The following GPRIN3 variants were observed in gnomAD, a reference collection of about 807,000 sequenced individuals.
The protein encoded by GPRIN3 is G protein-regulated inducer of neurite outgrowth 3.
GPRIN3 carries 12 observed loss-of-function variants against 13.7 expected under a neutral mutation model. The ratio of observed to expected loss-of-function variants is 0.87; its 90% CI spans 0.56 to 1.42. GPRIN3 has a LOEUF of 1.42. Ranked by LOEUF, GPRIN3 falls within the 40% of genes most tolerant of loss-of-function variation. The pLI, the probability that GPRIN3 is intolerant of heterozygous loss-of-function variation, is 0.00. For synonymous variants in GPRIN3, 377 were observed against 372.7 expected, an observed-to-expected ratio of 1.01 and a Z score of -0.13; for missense variants, 1,009 against 958.7, an observed-to-expected ratio of 1.05 and a Z score of -0.69.
rs1298425471 is a variant in GPRIN3 at position 89,237,427 on chromosome 4, A to T, written c.*10353T>A. ...TCTGAACTCCTAAGGCGATGGTGTTAGAAAGTGGGGGCTTTGGGTGGTGAT... is the reference window on the plus strand; with the variant it reads ...TCTGAACTCCTAAGGCGATGGTGTTTGAAAGTGGGGGCTTTGGGTGGTGAT... On this transcript the variant is annotated 3_prime_UTR_variant, in exon 2 of 2. Transcript: ENST00000609438. 1 of 152,210 alleles carries T rather than the reference A, an allele frequency of 6.6e-6. No homozygotes were observed. Among genetic ancestry groups the T allele is most frequent in the Non-Finnish European group, 1.5e-5 (1 of 68,054 alleles). 9.4% of individuals were successfully genotyped at this position (152,210 alleles called of 1,614,324 possible).
intron 1 of GPRIN3, among the ~76,000 whole-genome samples, chr4:89,256,235 T>C (rs968977324): frequency 1.1e-4 from 17 of 152,228 alleles, no homozygotes; most frequent in South Asian, 4.1e-4. Flanking sequence ...TATATATCTA[T>C]ATATATCTCC....
chr4:89,269,173 T>C (rs1723859691), intron 1 of GPRIN3, among the ~76,000 whole-genome samples: 1 of 152,220 alleles, frequency 6.6e-6, no homozygotes, highest in Non-Finnish European at 1.5e-5. Context: ...TTTAATACTC[T>C]GGTACAAATA....
At chr4:89,254,442 T>C (rs576088290) in intron 1 of GPRIN3, among the ~76,000 whole-genome samples, 6 of 152,228 alleles carry the variant, frequency 3.9e-5, no homozygotes, top group African/African-American at 1.2e-4. Context: ...TGTCCATGGG[T>C]TCTCATCATT....
chr4:89,300,671 T>C (rs947033022), intron 1 of GPRIN3, among the ~76,000 whole-genome samples: 3 of 152,126 alleles, frequency 2.0e-5, no homozygotes, highest in South Asian at 2.1e-4. Context: ...CAATCCCTCA[T>C]ATGAAAGGAG....
intron 1 of GPRIN3, among the ~76,000 whole-genome samples, chr4:89,292,236 C>A (rs1724592627): frequency 6.6e-6 from 1 of 152,140 alleles, no homozygotes; most frequent in Non-Finnish European, 1.5e-5. Context: ...TTTAATAAAA[C>A]TATATACTTT....
chr4:89,279,565 T>C (rs1036268280), intron 1 of GPRIN3, among the ~76,000 whole-genome samples: 1 of 152,246 alleles, frequency 6.6e-6, no homozygotes, highest in Non-Finnish European at 1.5e-5. Context: ...TATCATGTTG[T>C]TTCTTTGTCA....
rs566029934 is a variant in GPRIN3, at chr4:89,249,882, C to T, written c.229G>A (p.Asp77Asn). 3 of 1,614,234 alleles carry T rather than the reference C, an allele frequency of 1.9e-6. No homozygotes were observed. Among genetic ancestry groups the T allele is most frequent in the Admixed American group, 3.3e-5 (2 of 60,028 alleles). Residue 77 changes from aspartate to asparagine, a missense_variant, in exon 2 of 2, where the codon GAT (aspartate) becomes AAT (asparagine). By Grantham distance (23) the Asp-to-Asn change is conservative. Transcript: ENST00000609438. ...TTGAACACACCAGGAGAAGACATATCTGGTTGGGTGGTCTCATGCTCACAA... is the reference window on the plus strand; with the variant it reads ...TTGAACACACCAGGAGAAGACATATTTGGTTGGGTGGTCTCATGCTCACAA... ...QVCEHETTQP[D>N]MSSPGVFNEV...
intron 1 of GPRIN3, among the ~76,000 whole-genome samples, chr4:89,293,293 T>C (rs1724637850): frequency 6.6e-6 from 1 of 152,244 alleles, no homozygotes; most frequent in South Asian, 2.1e-4. Flanking sequence ...ACCACTGTCT[T>C]AGATCTGATG....
intron 1 of GPRIN3, among the ~76,000 whole-genome samples, chr4:89,284,813 A>G (rs910113781): frequency 6.6e-6 from 1 of 152,204 alleles, no homozygotes; most frequent in African/African-American, 2.4e-5. Context: ...GCCTAGGCCT[A>G]GCTAACTTTG....
intron 1 of GPRIN3, among the ~76,000 whole-genome samples, chr4:89,300,910 C>T (rs1455042857): frequency 1.3e-5 from 2 of 152,094 alleles, no homozygotes; most frequent in Non-Finnish European, 2.9e-5. Flanking sequence ...ATTTAAAATT[C>T]TTAATTTTAA....
intron 1 of GPRIN3, among the ~76,000 whole-genome samples, chr4:89,277,763 G>A (rs1438285750): frequency 1.3e-5 from 2 of 152,198 alleles, no homozygotes; most frequent in East Asian, 3.9e-4. Flanking sequence ...TGACCTTGAT[G>A]TGGAGGGATC....
intron 1 of GPRIN3, among the ~76,000 whole-genome samples, chr4:89,284,622 C>T (rs564674451): frequency 6.6e-6 from 1 of 152,168 alleles, no homozygotes; most frequent in African/African-American, 2.4e-5. Flanking sequence ...GAACTCACCA[C>T]CAGGTCTACC....
intron 1 of GPRIN3, among the ~76,000 whole-genome samples, chr4:89,264,325 T>G (rs1482932023): frequency 6.6e-6 from 1 of 152,158 alleles, no homozygotes; most frequent in Non-Finnish European, 1.5e-5. Context: ...CCTGGCTCCC[T>G]TTTGCCTTCT....
intron 1 of GPRIN3, among the ~76,000 whole-genome samples, chr4:89,286,032 T>C (rs930064888): frequency 1.3e-5 from 2 of 151,994 alleles, no homozygotes; most frequent in African/African-American, 4.8e-5. Context: ...TCTTTAACTT[T>C]TAGACATTTT....
chr4:89,247,790 A>G lies in GPRIN3; in HGVS notation c.2321T>C (p.Val774Ala). ...NCCVRPAPSS[V>A]LD Reference sequence around the variant, plus strand: ...CATAAATACTCCCTTTCAATCTAACACAGAAGACGGGGCAGGACGGACGCA... The same window carrying G: ...CATAAATACTCCCTTTCAATCTAACGCAGAAGACGGGGCAGGACGGACGCA... Residue 774 changes from valine to alanine, a missense_variant, in exon 2 of 2, where the codon GTG (valine) becomes GCG (alanine). Val to Ala is a moderately conservative substitution (Grantham distance 64). Coordinates refer to ENST00000609438, the MANE Select transcript of GPRIN3 (RefSeq NM_198281.3). 6.2e-7 allele frequency: 1 copy of G among 1,608,356 alleles called. No individual in the cohort carries two copies. Among genetic ancestry groups the G allele is most frequent in the Non-Finnish European group, 8.5e-7 (1 of 1,176,104 alleles).
intron 1 of GPRIN3, among the ~76,000 whole-genome samples, chr4:89,254,128 GGT>G (rs57642647): frequency 4.5e-4 from 66 of 147,608 alleles, no homozygotes; most frequent in Non-Finnish European, 8.5e-4. Context: ...GTTGCATCTG[GGT>G]GTGTGTGTGT....
rs1170625752 is a variant in GPRIN3 at position 89,307,757 on chromosome 4, TC to T, written c.-267del. ...CGAGCTGAGGTCCTTCTCAGCCCGG[TC>T]CCGGAGCGAGCTCCGTGCGTTCAGG... On this transcript the variant is annotated 5_prime_UTR_variant, in exon 1 of 2. Transcript: ENST00000609438. The T allele has an allele frequency of 2.0e-5, 3 of 152,244 alleles. No individual in the cohort carries two copies. The highest frequency in any genetic ancestry group is 4.4e-5 in the Non-Finnish European group (3 of 68,128). The allele number at this position is 152,244 out of a possible 1,614,324, so 9.4% of individuals were successfully genotyped here.
In GPRIN3 at chr4:89,253,534, A is replaced by G. The variant is rs115417185; in HGVS notation, c.-123-3301T>C. Among the ~76,000 whole-genome samples the G allele has an allele frequency of 6.7e-3, 1,025 of 152,336 alleles. 9 individuals are homozygous for G. Among genetic ancestry groups the G allele is most frequent in the African/African-American group, 0.023 (972 of 41,582 alleles). On this transcript the variant is annotated intron_variant, in intron 1 of 1. Coordinates refer to ENST00000609438, the MANE Select transcript of GPRIN3 (RefSeq NM_198281.3). ...GGTGCCAAGGAAGTTAATTCGCCAA[A>G]GAGGACTATAAAACATGAACAGCTC...
chr4:89,297,901 T>C (rs936840347), intron 1 of GPRIN3, among the ~76,000 whole-genome samples: 2 of 152,152 alleles, frequency 1.3e-5, no homozygotes, highest in Admixed American at 6.6e-5. Context: ...AGTCTTAAAA[T>C]ACACTTGTGT....
Sources: allele counts gnomAD v4.1 joint callset (sites outside exome capture counted in the v4.1 genomes callset), GRCh38; gene constraint gnomAD v4.1.1; transcripts MANE v1.5; gene names NCBI Gene and HGNC (gene_info 2026-07-23, HGNC 2026-07-21).